PBLD: variants seen among roughly 807,000 people sequenced by gnomAD.
PBLD encodes the protein phenazine biosynthesis like protein domain containing, also known as phenazine biosynthesis-like domain-containing protein.
A neutral mutation model predicts 31.3 loss-of-function variants in PBLD; 26 were observed. That is an observed-to-expected ratio of 0.83 (90% CI 0.61 to 1.15). The LOEUF is 1.15. Ranked by LOEUF, PBLD falls within the 50% of genes most tolerant of loss-of-function variation. The pLI is 0.00. For missense variants in PBLD, 307 were observed against 351.7 expected (o/e 0.87, Z 1.02); for synonymous variants, 114 against 129.0 (o/e 0.88, Z 0.79).
At chr10:68,290,711 C>T (rs988058360) in intron 6 of PBLD, among the ~76,000 whole-genome samples, 42 of 152,054 alleles carry the variant, frequency 2.8e-4, no homozygotes, top group African/African-American at 1.0e-3. Flanking sequence ...GAGCAAACTC[C>T]GTCTCAAATA....
intron 1 of PBLD, among the ~76,000 whole-genome samples, chr10:68,319,271 A>T (rs2044796019): frequency 6.6e-6 from 1 of 152,214 alleles, no homozygotes. Context: ...CAAAGACATG[A>T]GACATGTAGA....
intron 2 of PBLD, among the ~76,000 whole-genome samples, chr10:68,303,149 C>A (rs2044528226): frequency 6.6e-6 from 1 of 151,972 alleles, no homozygotes; most frequent in Non-Finnish European, 1.5e-5. Context: ...TCTGGGCTCA[C>A]TACAACCTCT....
At chr10:68,286,546 T>C (rs1354119323) in intron 8 of PBLD, among the ~76,000 whole-genome samples, 1 of 151,862 alleles carries the variant, frequency 6.6e-6, no homozygotes, top group East Asian at 1.9e-4. Context: ...CCTATGTTGC[T>C]TAGGCTGGTC....
chr10:68,283,556 A>T lies in PBLD; in HGVS notation c.*621T>A, dbSNP rs1345648577. The T allele has an allele frequency of 6.6e-6, 1 of 152,232 alleles. No homozygotes were observed. The highest frequency in any genetic ancestry group is 1.5e-5 in the Non-Finnish European group (1 of 68,086). The allele number at this position is 152,232 out of a possible 1,614,324, so 9.4% of individuals were successfully genotyped here. On this transcript the variant is annotated 3_prime_UTR_variant, in exon 10 of 10. Coordinates refer to ENST00000358769, the MANE Select transcript of PBLD (RefSeq NM_022129.4). The stretch of plus-strand genomic sequence containing the variant: ...GTACTCATTTAAGCTCAAATGGTTT[A>T]GTATCACTCCTCAGAAATGTATTCC...
At chr10:68,323,178 T>C (rs1297590117) in intron 1 of PBLD, among the ~76,000 whole-genome samples, 2 of 152,152 alleles carry the variant, frequency 1.3e-5, no homozygotes, top group Non-Finnish European at 1.5e-5. Context: ...GGCCTGCCAA[T>C]AGCCATGGGA....
At chr10:68,301,445 A>G (rs1310268552) in intron 2 of PBLD, among the ~76,000 whole-genome samples, 2 of 152,148 alleles carry the variant, frequency 1.3e-5, no homozygotes, top group African/African-American at 4.8e-5. Context: ...TTCTGTGGAA[A>G]CTGGTCCAGA....
chr10:68,313,035 C>A (rs1388423090), intron 1 of PBLD, among the ~76,000 whole-genome samples: 1 of 152,042 alleles, frequency 6.6e-6, no homozygotes, highest in Middle Eastern at 3.2e-3. Flanking sequence ...CCCACCTCAG[C>A]CTCCTGAGTA....
At chr10:68,313,589 T>C (rs1269757854) in intron 1 of PBLD, among the ~76,000 whole-genome samples, 1 of 152,210 alleles carries the variant, frequency 6.6e-6, no homozygotes, top group African/African-American at 2.4e-5. Context: ...TTTGGGAATT[T>C]TTTCACTTTT....
At chr10:68,305,567 A>T (rs1053617774) in intron 2 of PBLD, among the ~76,000 whole-genome samples, 3 of 152,172 alleles carry the variant, frequency 2.0e-5, no homozygotes, top group Non-Finnish European at 2.9e-5. Context: ...CAGCCTGGCC[A>T]ACATAACGAA....
chr10:68,296,082 C>A, intron 4 of PBLD, 184 bp downstream of exon 4: 1 of 450,826 alleles, frequency 2.2e-6, no homozygotes. Flanking sequence ...TGGGCACATA[C>A]TCAGAAAGGC....
intron 2 of PBLD, among the ~76,000 whole-genome samples, chr10:68,299,501 C>A (rs1335837147): frequency 6.6e-6 from 1 of 152,028 alleles, no homozygotes; most frequent in African/African-American, 2.4e-5. Flanking sequence ...TTATATAGGG[C>A]ATAAAAGTGT....
intron 1 of PBLD, among the ~76,000 whole-genome samples, chr10:68,314,265 C>T (rs1267816286): frequency 6.6e-6 from 1 of 152,158 alleles, no homozygotes; most frequent in Non-Finnish European, 1.5e-5. Flanking sequence ...GCATGAACCA[C>T]CACACCTAGC....
intron 6 of PBLD, among the ~76,000 whole-genome samples, chr10:68,290,145 A>T (rs10762205): frequency 2.6e-5 from 4 of 151,858 alleles, no homozygotes; most frequent in Admixed American, 6.6e-5. Flanking sequence ...CACCAGCCCC[A>T]GCTGCCAGGC....
chr10:68,294,710 T>C (rs1271145730), intron 4 of PBLD, among the ~76,000 whole-genome samples: 1 of 152,176 alleles, frequency 6.6e-6, no homozygotes, highest in Non-Finnish European at 1.5e-5. Context: ...AATTTCTCCC[T>C]CTATTCAATC....
At chr10:68,322,008 C>A (rs557342987) in intron 1 of PBLD, among the ~76,000 whole-genome samples, 1 of 152,138 alleles carries the variant, frequency 6.6e-6, no homozygotes, top group Admixed American at 6.5e-5. Flanking sequence ...CTCTCAGTAA[C>A]TTGCTTCCAA....
chr10:68,329,840 C>A (rs928242475), intron 1 of PBLD, among the ~76,000 whole-genome samples: 1 of 152,140 alleles, frequency 6.6e-6, no homozygotes, highest in Non-Finnish European at 1.5e-5. Context: ...TGTAACCTCA[C>A]GAAGGTTCAT....
At chr10:68,328,927 G>C (rs1270238547) in intron 1 of PBLD, among the ~76,000 whole-genome samples, 1 of 152,174 alleles carries the variant, frequency 6.6e-6, no homozygotes, top group Non-Finnish European at 1.5e-5. Flanking sequence ...ACCCAGGCTG[G>C]AGTGCAGTGG....
intron 2 of PBLD, among the ~76,000 whole-genome samples, chr10:68,299,176 A>G (rs1361915718): frequency 1.3e-5 from 2 of 150,826 alleles, no homozygotes; most frequent in African/African-American, 2.4e-5. Flanking sequence ...TCCATTTTTA[A>G]TCAATAAAAT....
At position 68,309,498 on chromosome 10, in the gene PBLD, C is replaced by T. The variant is rs1275559529; in HGVS notation, c.-59-2595G>A. On this transcript the variant is annotated intron_variant, in intron 1 of 9. Transcript: ENST00000358769. ...AACGAGGCTACTCATTAATAAATAT[C>T]AGTTTAGTTCTTTGAAAAAAATAAA... Among the ~76,000 whole-genome samples the T allele has an allele frequency of 1.4e-5, 2 of 147,154 alleles. 1 individual carries two copies. The highest frequency in any genetic ancestry group is 3.0e-5 in the Non-Finnish European group (2 of 67,332).
Sources: allele counts gnomAD v4.1 joint callset (sites outside exome capture counted in the v4.1 genomes callset), GRCh38; gene constraint gnomAD v4.1.1; transcripts MANE v1.5; gene names NCBI Gene and HGNC (gene_info 2026-07-23, HGNC 2026-07-21).